PIK3C3: variants seen among roughly 807,000 people sequenced by gnomAD.
PIK3C3 encodes PI3-kinase type 3.
Under a neutral mutation model 126.1 loss-of-function variants are expected in PIK3C3, and 95 were observed. The ratio of observed to expected loss-of-function variants is 0.75; its 90% confidence interval spans 0.64 to 0.89. PIK3C3 has a LOEUF of 0.89. Among genes scored for constraint, PIK3C3 ranks in the 40% least tolerant of loss-of-function variants. The pLI is 0.00. For synonymous variants in PIK3C3, 374 were observed against 360.0 expected, an observed-to-expected ratio of 1.04 and a Z score of -0.44; for missense variants, 829 against 1,063.2, an observed-to-expected ratio of 0.78 and a Z score of 3.06.
chr18:42,087,232 T>TTAA lies in PIK3C3; in HGVS notation c.*6095_*6096insTAA, dbSNP rs1196052994. The TTAA allele has an allele frequency of 2.6e-5, 4 of 152,190 alleles. No homozygotes were observed. Among genetic ancestry groups the TTAA allele is most frequent in the Admixed American group, 2.6e-4 (4 of 15,274 alleles). The allele number at this position is 152,190 out of a possible 1,614,324, so 9.4% of individuals were successfully genotyped here. A position where few individuals can be genotyped will look rare whatever the true frequency, so the allele number is the denominator to read the frequency against. ...TCTATAGATGTCTGCACTGACACCG[T>TTAA]GGCTTTAAGGCATGGCCCATGATGT... On this transcript the variant is annotated 3_prime_UTR_variant, in exon 25 of 25. Transcript: ENST00000262039.
In PIK3C3 at chr18:41,980,661, A is replaced by C. The variant is rs56801161; in HGVS notation, c.532-7151A>C. Among the ~76,000 whole-genome samples, 707 of 152,194 alleles carry C rather than the reference A, an allele frequency of 4.6e-3. 3 individuals carry two copies. Among genetic ancestry groups the C allele is most frequent in the African/African-American group, 0.016 (664 of 41,544 alleles). ...TGAAACTTTGTCTCTGTAAATAAAA[A>C]AAAAACAAAAAACAACAATTGGGAC... is the stretch of plus-strand genomic sequence containing the variant. On this transcript the variant is annotated intron_variant, in intron 4 of 24. Transcript: ENST00000262039.
chr18:41,990,374 C>A, intron 5 of PIK3C3, 85 bp from the exon 6 acceptor site: 2 of 769,634 alleles, frequency 2.6e-6, no homozygotes, highest in African/African-American at 1.7e-5. Flanking sequence ...ACATGTATTA[C>A]TGAATTAGGA....
At chr18:42,004,817 T>C (rs999748455) in intron 10 of PIK3C3, among the ~76,000 whole-genome samples, 6 of 152,166 alleles carry the variant, frequency 3.9e-5, no homozygotes, top group Admixed American at 2.0e-4. Flanking sequence ...GAGCTTGTAT[T>C]GCTCTGTCTG....
chr18:42,063,140 CGCCTTAAGAT>C (rs1162119829), intron 22 of PIK3C3, among the ~76,000 whole-genome samples: 1 of 126,506 alleles, frequency 7.9e-6, no homozygotes, highest in Non-Finnish European at 1.6e-5. Context: ...ACAACTATAC[CGCCTTAAGAT>C]GCCTCTCTCT....
chr18:42,058,170 G>T, intron 22 of PIK3C3, 119 bp downstream of exon 22: 1 of 713,004 alleles, frequency 1.4e-6, no homozygotes. Context: ...AATGACAAAG[G>T]CAACAATATT....
At chr18:41,972,165 A>T (rs986891559) in intron 4 of PIK3C3, among the ~76,000 whole-genome samples, 1 of 152,046 alleles carries the variant, frequency 6.6e-6, no homozygotes, top group African/African-American at 2.4e-5. Context: ...AAAAGATGTG[A>T]CTTAATGATC....
chr18:42,044,748 A>G (rs1045970070), intron 20 of PIK3C3, among the ~76,000 whole-genome samples: 1 of 152,060 alleles, frequency 6.6e-6, no homozygotes, highest in Non-Finnish European at 1.5e-5. Flanking sequence ...GATTTTTTTT[A>G]TAACTAGATT....
chr18:42,020,123 C>A (rs916897997), intron 12 of PIK3C3, among the ~76,000 whole-genome samples: 1 of 152,098 alleles, frequency 6.6e-6, no homozygotes, highest in Non-Finnish European at 1.5e-5. Context: ...CTCTTAAGAT[C>A]CTTTGTTGGG....
intron 4 of PIK3C3, among the ~76,000 whole-genome samples, chr18:41,977,219 T>C (rs1483380964): frequency 6.6e-6 from 1 of 152,162 alleles, no homozygotes; most frequent in Non-Finnish European, 1.5e-5. Flanking sequence ...GCTTCAGTTG[T>C]TACGAATACA....
At position 42,031,833 on chromosome 18, in the gene PIK3C3, C is replaced by T. The variant is rs940797069; in HGVS notation, c.1708-1993C>T. Among the ~76,000 whole-genome samples, 6 of 152,210 alleles carry T rather than the reference C, an allele frequency of 3.9e-5. No homozygotes were observed. The East Asian group carries it at 9.7e-4, about 24-fold the overall frequency. ...TACTCATTTATGTGTTCTACAAATA[C>T]GAAATATGTATTGCATGCCTACTCT... is the stretch of plus-strand genomic sequence containing the variant. On this transcript the variant is annotated intron_variant, in intron 15 of 24. Transcript: ENST00000262039.
chr18:42,016,619 C>A (rs1255906620), intron 12 of PIK3C3, among the ~76,000 whole-genome samples: 1 of 152,134 alleles, frequency 6.6e-6, no homozygotes, highest in African/African-American at 2.4e-5. Context: ...GGTGAGAGAA[C>A]AACCATATGG....
At chr18:42,040,092 T>G (rs1281892719) in intron 18 of PIK3C3, among the ~76,000 whole-genome samples, 2 of 152,012 alleles carry the variant, frequency 1.3e-5, no homozygotes, top group Non-Finnish European at 2.9e-5. Context: ...TTTATGTTTC[T>G]GTTGTCTTCA....
At chr18:42,006,697 C>G (rs1982561421) in intron 10 of PIK3C3, among the ~76,000 whole-genome samples, 1 of 151,982 alleles carries the variant, frequency 6.6e-6, no homozygotes. Flanking sequence ...CTGCCTTATT[C>G]TTTCTAAATA....
intron 10 of PIK3C3, among the ~76,000 whole-genome samples, chr18:42,009,231 T>C (rs888300310): frequency 6.6e-6 from 1 of 152,208 alleles, no homozygotes; most frequent in Non-Finnish European, 1.5e-5. Context: ...AACAACACTA[T>C]AGAGAGACTT....
intron 18 of PIK3C3, among the ~76,000 whole-genome samples, chr18:42,040,386 T>C (rs546818247): frequency 2.0e-5 from 3 of 152,124 alleles, no homozygotes; most frequent in Middle Eastern, 3.2e-3. Flanking sequence ...AAATTTTTGA[T>C]GCTAGATTTA....
At position 42,084,584 on chromosome 18, in the gene PIK3C3, C is replaced by G. The variant is rs1316614362; in HGVS notation, c.*3447C>G. The stretch of plus-strand genomic sequence containing the variant: ...ATAGTATAGAGTAGCTAAAAACAAA[C>G]CAAAAAAAAAAAAAAAAAAAAAGGA... On this transcript the variant is annotated 3_prime_UTR_variant, in exon 25 of 25. Transcript: ENST00000262039. The G allele has an allele frequency of 2.4e-5, 1 of 41,110 alleles. No individual in the cohort carries two copies. The highest frequency in any genetic ancestry group is 1.6e-4 in the African/African-American group (1 of 6,064). 2.5% of individuals were successfully genotyped at this position (41,110 alleles called of 1,614,324 possible). A position where few individuals can be genotyped will look rare whatever the true frequency, so the allele number is the denominator to read the frequency against.
intron 9 of PIK3C3, among the ~76,000 whole-genome samples, chr18:42,001,832 T>C (rs1982306492): frequency 6.6e-6 from 1 of 152,246 alleles, no homozygotes; most frequent in Non-Finnish European, 1.5e-5. Context: ...GCTGATGTAC[T>C]GTGAAATGGA....
Position 42,084,863 on chromosome 18 carries a change from C to T in PIK3C3, c.*3726C>T, listed in dbSNP as rs1044901438. On this transcript the variant is annotated 3_prime_UTR_variant, in exon 25 of 25. Transcript: ENST00000262039. ...CCTTGTGAGTTTTCCCAGGGGATTC[C>T]GATGCCTGCTAGATTTAACCAGTAG... 6.6e-5 allele frequency: 10 copies of T among 152,302 alleles called. No homozygotes were observed. The highest frequency in any genetic ancestry group is 2.2e-4 in the African/African-American group (9 of 41,546). The allele number at this position is 152,302 out of a possible 1,614,324, so 9.4% of individuals were successfully genotyped here. A position where few individuals can be genotyped will look rare whatever the true frequency, so the allele number is the denominator to read the frequency against.
rs564463128 is a variant in PIK3C3, at chr18:42,040,841, C to A, written c.2103+100C>A. ...GTTAAAAATGAAAGTCTCCTTTTAT[C>A]ATTTTTCTTTCTTCAAGTTTTTTTT... is the stretch of plus-strand genomic sequence containing the variant. On this transcript the variant is annotated intron_variant, in intron 19 of 24. Transcript: ENST00000262039. 185 of 782,232 alleles carry A rather than the reference C, an allele frequency of 2.4e-4. 2 individuals are homozygous for A. In the Middle Eastern group the frequency reaches 2.9e-3, roughly 12 times the overall value. 48.5% of individuals were successfully genotyped at this position (782,232 alleles called of 1,614,324 possible).
Sources: gnomAD v4.1 joint callset for allele counts (sites outside exome capture counted in the v4.1 genomes callset) on GRCh38, gnomAD v4.1.1 for gene constraint, MANE v1.5 for transcripts, NCBI Gene and HGNC (gene_info 2026-07-23, HGNC 2026-07-21) for gene names.